The following CASP2 variants were observed in gnomAD, a reference collection of about 807,000 sequenced individuals.
The protein encoded by CASP2 is caspase-2.
CASP2 carries 38 observed loss-of-function variants against 54.4 expected under a neutral mutation model. That is an observed-to-expected ratio of 0.70 (90% confidence interval 0.54 to 0.92). The LOEUF is 0.92. Ranked by LOEUF, CASP2 falls within the 40% of genes least tolerant of loss-of-function variation. The pLI, the probability that CASP2 is intolerant of heterozygous loss-of-function variation, is 0.00. For missense variants in CASP2, 512 were observed against 579.6 expected (o/e 0.88, Z 1.20); for synonymous variants, 215 against 216.3 (o/e 0.99, Z 0.05).
At position 143,300,190 on chromosome 7, in the gene CASP2, T is replaced by C; in HGVS notation, c.877-14T>C. On this transcript the variant is annotated splice_polypyrimidine_tract_variant and intron_variant, in intron 7 of 10. Transcript: ENST00000310447. ...AATGCTTAACCTCTCTTCTTCCTTC[T>C]TTCTTTCTGGCAGCTCCAAGAGGTT... 6.2e-7 allele frequency: 1 copy of C among 1,614,022 alleles called. No individual in the cohort carries two copies. Among genetic ancestry groups the C allele is most frequent in the Non-Finnish European group, 8.5e-7 (1 of 1,179,916 alleles).
intron 1 of CASP2, among the ~76,000 whole-genome samples, chr7:143,291,151 C>A (rs1225240281): frequency 6.6e-6 from 1 of 152,212 alleles, no homozygotes; most frequent in Non-Finnish European, 1.5e-5. Context: ...TATAAACTTA[C>A]ATCACTTTCA....
chr7:143,289,706 C>T (rs1363282225), intron 1 of CASP2: 3 of 628,160 alleles, frequency 4.8e-6, no homozygotes, highest in African/African-American at 2.0e-5. Context: ...ACTGCTTTGA[C>T]GTATTCGAAA....
chr7:143,294,464 G>T, intron 5 of CASP2, 133 bp from the exon 6 acceptor site: 2 of 1,054,486 alleles, frequency 1.9e-6, no homozygotes, highest in Non-Finnish European at 2.9e-6. Flanking sequence ...CCTTCTGTGA[G>T]CATTTGTCTA....
At chr7:143,291,779 CCT>C in intron 2 of CASP2, 89 bp downstream of exon 2, 1 of 552,096 alleles carries the variant, frequency 1.8e-6, no homozygotes, top group Non-Finnish European at 2.7e-6. Context: ...TATCTTTCTT[CCT>C]TTTTTTTTTT....
chr7:143,303,964 A>G (rs1171819964), intron 9 of CASP2, 31 bp downstream of exon 9: 1 of 1,554,852 alleles, frequency 6.4e-7, no homozygotes, highest in Non-Finnish European at 8.7e-7. Context: ...GTTGAGTCAT[A>G]CCTCATTTTG....
chr7:143,294,019 G>A (rs1193356385), intron 4 of CASP2, among the ~76,000 whole-genome samples: 1 of 152,206 alleles, frequency 6.6e-6, no homozygotes, highest in African/African-American at 2.4e-5. Context: ...TCAGCCAGTT[G>A]AGCATATGCT....
intron 4 of CASP2, among the ~76,000 whole-genome samples, chr7:143,292,992 C>T (rs1383080991): frequency 6.6e-6 from 1 of 152,100 alleles, no homozygotes; most frequent in Middle Eastern, 3.4e-3. Flanking sequence ...GCCTTGCCAA[C>T]AGAGTGAGAC....
rs749590563 is a variant in CASP2, at chr7:143,294,650, G to A, written c.624G>A (p.Val208=). 6.2e-7 allele frequency: 1 copy of A among 1,614,186 alleles called. No individual in the cohort carries two copies. Among genetic ancestry groups the A allele is most frequent in the Non-Finnish European group, 8.5e-7 (1 of 1,180,022 alleles). ...GCCTAGCACTGGTGTTGAGCAATGT[G>A]CACTTCACTGGAGAGAAAGAACTGG... ...PRGLALVLSN[V]HFTGEKELEF... Residue 208 remains valine (V), a synonymous_variant, in exon 6 of 11, where the codon GTG becomes GTA. Transcript: ENST00000310447.
rs752591176 is a variant in CASP2 at position 143,288,463 on chromosome 7, C to G, written c.8C>G (p.Ala3Gly). The G allele has an allele frequency of 1.8e-5, 29 of 1,612,806 alleles. No homozygotes were observed. Among genetic ancestry groups the G allele is most frequent in the Non-Finnish European group, 2.3e-5 (27 of 1,179,630 alleles). The change falls in exon 1 of 11, where the codon GCG becomes GGG. Residue 3 changes from alanine to glycine, a missense_variant. Coordinates refer to ENST00000310447, the MANE Select transcript of CASP2 (RefSeq NM_032982.4). ...GCCCGGGAAAAGCGGGAAATGGCGG[C>G]GCCGAGCGCGGGGTCTTGGTCCACC... MA[A>G]PSAGSWSTFQ...
chr7:143,296,477 GA>G (rs1462462437), intron 6 of CASP2, among the ~76,000 whole-genome samples: 1 of 152,234 alleles, frequency 6.6e-6, no homozygotes, highest in African/African-American at 2.4e-5. Context: ...TGATCAGAAG[GA>G]TAAGTGGAGG....
At chr7:143,298,374 T>G (rs1348034250) in intron 6 of CASP2, 1 of 152,202 alleles carries the variant, frequency 6.6e-6, no homozygotes, top group Non-Finnish European at 1.5e-5. Context: ...CATCGTGAAT[T>G]ATAGAGGGAG....
chr7:143,304,867 C>T (rs1802021773), intron 10 of CASP2, 73 bp from the exon 11 acceptor site: 1 of 1,609,822 alleles, frequency 6.2e-7, no homozygotes, highest in East Asian at 2.2e-5. Context: ...CATAGTCCGT[C>T]TCCCCTTCCC....
intron 6 of CASP2, among the ~76,000 whole-genome samples, chr7:143,295,789 G>A (rs1040779751): frequency 6.6e-6 from 1 of 152,178 alleles, no homozygotes; most frequent in Non-Finnish European, 1.5e-5. Flanking sequence ...ATTTTTGCCA[G>A]CTTCCCCCTT....
Position 143,304,700 on chromosome 7 carries a change from C to T in CASP2, c.1144C>T (p.Arg382Ter), listed in dbSNP as rs1026228070. 3.1e-6 allele frequency: 5 copies of T among 1,614,128 alleles called. No individual in the cohort carries two copies. Among genetic ancestry groups the T allele is most frequent in the Admixed American group, 1.7e-5 (1 of 60,018 alleles). ...GACTGCCGCCATGCGGAACACCAAACGAGGTTCCTGGTACATCGAGGCTCT... is the reference window on the plus strand; with the variant it reads ...GACTGCCGCCATGCGGAACACCAAATGAGGTTCCTGGTACATCGAGGCTCT... ...KGTAAMRNTKRGSWYIEALAQ... is the reference protein window; with the variant it reads ...KGTAAMRNTK The change falls in exon 10 of 11, where the codon CGA (arginine) becomes TGA (stop). Residue 382 changes from arginine to a stop codon, truncating the protein, a stop_gained. Coordinates refer to ENST00000310447, the MANE Select transcript of CASP2 (RefSeq NM_032982.4). LOFTEE classifies it high-confidence loss of function.
intron 8 of CASP2, 99 bp from the exon 9 acceptor site, chr7:143,303,685 C>T (rs1420929434): frequency 9.8e-7 from 1 of 1,020,782 alleles, no homozygotes; most frequent in Non-Finnish European, 1.5e-6. Context: ...AATGGCTCTT[C>T]CCCTTCAAGG....
At chr7:143,289,684 G>C in intron 1 of CASP2, 1 of 839,992 alleles carries the variant, frequency 1.2e-6, no homozygotes, top group Non-Finnish European at 1.4e-6. Flanking sequence ...AGTGTTATAT[G>C]TGATCGTTAT....
At position 143,303,861 on chromosome 7, in the gene CASP2, G is replaced by A. The variant is rs141466335; in HGVS notation, c.1045G>A (p.Gly349Ser). Residue 349 changes from glycine (G) to serine (S), a missense_variant, in exon 9 of 11, where the codon GGT becomes AGT. Physicochemically the swap from Gly to Ser is moderately conservative, Grantham distance 56 (BLOSUM62 0). This residue lies in a region of CASP2 where 417 missense variants were observed against 495.4 expected (regional missense o/e 0.84). Coordinates refer to ENST00000310447, the MANE Select transcript of CASP2 (RefSeq NM_032982.4). ...CCCTGGGTGCGAGGAGAGTGATGCC[G>A]GTAAAGAAAAGTTGCCGAAGATGAG... is the stretch of plus-strand genomic sequence containing the variant. ...GSPGCEESDA[G>S]KEKLPKMRLP... 65 of 1,613,564 alleles carry A rather than the reference G, an allele frequency of 4.0e-5. No homozygotes were observed. The highest frequency in any genetic ancestry group is 1.4e-4 in the South Asian group (13 of 90,988).
chr7:143,301,953 G>T (rs551679789), intron 8 of CASP2: 1 of 152,336 alleles, frequency 6.6e-6, no homozygotes, highest in African/African-American at 2.4e-5. Flanking sequence ...GGAGGGGGCT[G>T]CACTAAGGAA....
intron 8 of CASP2, 100 bp downstream of exon 8, chr7:143,300,394 C>T: frequency 6.2e-7 from 1 of 1,600,324 alleles, no homozygotes; most frequent in Non-Finnish European, 8.5e-7. Flanking sequence ...TATTGGATCC[C>T]TTGGGCACCT....
Sources: allele counts gnomAD v4.1 joint callset (sites outside exome capture counted in the v4.1 genomes callset), GRCh38; gene constraint gnomAD v4.1.1; regional missense constraint gnomAD v4.1.1; transcripts MANE v1.5; gene names NCBI Gene and HGNC (gene_info 2026-07-23, HGNC 2026-07-21).